NRG3: variants seen among roughly 807,000 people sequenced by gnomAD.
The protein encoded by NRG3 is neuregulin 3.
Under a neutral mutation model 66.9 loss-of-function variants are expected in NRG3, and 31 were observed. That is an observed-to-expected ratio of 0.46 (90% confidence interval 0.35 to 0.63). The LOEUF (loss-of-function observed/expected upper bound fraction) is 0.63. Among genes scored for constraint, NRG3 ranks in the 20% least tolerant of loss-of-function variants. The pLI, the probability that NRG3 is intolerant of heterozygous loss-of-function variation, is 0.00. For missense variants in NRG3, 910 were observed against 878.9 expected (o/e 1.04, Z -0.45); for synonymous variants, 393 against 359.4 (o/e 1.09, Z -1.06).
intron 2 of NRG3, among the ~76,000 whole-genome samples, chr10:82,456,439 T>A (rs2091270784): frequency 6.6e-6 from 1 of 152,146 alleles, no homozygotes; most frequent in Non-Finnish European, 1.5e-5. Context: ...ATTGCTGGGA[T>A]TACAGGTGTC....
intron 1 of NRG3, among the ~76,000 whole-genome samples, chr10:81,918,389 G>T (rs906221295): frequency 2.6e-5 from 4 of 152,108 alleles, no homozygotes; most frequent in Non-Finnish European, 4.4e-5. Flanking sequence ...TCTGTTATAT[G>T]GGCAGAGTAA....
chr10:82,136,956 C>T (rs2069408156), intron 1 of NRG3, among the ~76,000 whole-genome samples: 1 of 152,214 alleles, frequency 6.6e-6, no homozygotes. Flanking sequence ...ACGTAGGCTT[C>T]AAGACTGTCT....
At chr10:82,854,185 A>C (rs771417531) in intron 3 of NRG3, among the ~76,000 whole-genome samples, 2 of 152,226 alleles carry the variant, frequency 1.3e-5, no homozygotes, top group Non-Finnish European at 2.9e-5. Flanking sequence ...ATAATTCTAC[A>C]TGCTAAATGG....
chr10:82,851,688 TAA>T (rs1250527444), intron 3 of NRG3, among the ~76,000 whole-genome samples: 1 of 152,146 alleles, frequency 6.6e-6, no homozygotes, highest in Non-Finnish European at 1.5e-5. Flanking sequence ...GAACTACAAA[TAA>T]GAGAGATCAC....
chr10:82,136,746 C>G (rs565041592), intron 1 of NRG3, among the ~76,000 whole-genome samples: 1 of 152,140 alleles, frequency 6.6e-6, no homozygotes, highest in Admixed American at 6.6e-5. Flanking sequence ...TGGGTTCTCA[C>G]CACTGGGATG....
intron 4 of NRG3, among the ~76,000 whole-genome samples, chr10:82,904,159 A>G (rs2131905387): frequency 6.6e-6 from 1 of 152,308 alleles, no homozygotes; most frequent in East Asian, 1.9e-4. Flanking sequence ...CTTTGAATGC[A>G]GCCCAACACA....
chr10:82,334,409 G>T (rs1189087303), intron 1 of NRG3, among the ~76,000 whole-genome samples: 1 of 152,086 alleles, frequency 6.6e-6, no homozygotes, highest in Non-Finnish European at 1.5e-5. Flanking sequence ...ATATGATAAG[G>T]GCTATGACAA....
In NRG3 at chr10:82,974,033, A is replaced by C. The variant is rs151123146; in HGVS notation, c.1412+118A>C. 3 of 1,164,752 alleles carry C rather than the reference A, an allele frequency of 2.6e-6. No individual in the cohort carries two copies. The South Asian group carries it at 4.3e-5, about 17-fold the overall frequency. 72.2% of individuals were successfully genotyped at this position (1,164,752 alleles called of 1,614,324 possible). A position where few individuals can be genotyped will look rare whatever the true frequency, so the allele number is the denominator to read the frequency against. ...AGACAACTGTTCTTGCTTCTCCTGT[A>C]GTTCTCTGTGGAGTAAATGCTCAAA... On this transcript the variant is annotated intron_variant, in intron 7 of 8. Coordinates refer to ENST00000372141, the MANE Select transcript of NRG3 (RefSeq NM_001010848.4).
At chr10:82,666,280 C>G (rs574346189) in intron 2 of NRG3, among the ~76,000 whole-genome samples, 2 of 152,266 alleles carry the variant, frequency 1.3e-5, no homozygotes, top group South Asian at 2.1e-4. Flanking sequence ...GTGAGCAAGT[C>G]TTCAAACCTT....
chr10:82,062,476 T>TA (rs2064210800), intron 1 of NRG3, among the ~76,000 whole-genome samples: 2 of 151,790 alleles, frequency 1.3e-5, no homozygotes, highest in Admixed American at 6.6e-5. Flanking sequence ...CATGGTGGTG[T>TA]GCGCCTGTAG....
intron 1 of NRG3, among the ~76,000 whole-genome samples, chr10:82,038,333 G>A (rs903088725): frequency 6.6e-6 from 1 of 152,062 alleles, no homozygotes; most frequent in African/African-American, 2.4e-5. Context: ...ACTGTCCTGA[G>A]CCCTTTCCAA....
At chr10:81,929,616 T>C (rs951487578) in intron 1 of NRG3, among the ~76,000 whole-genome samples, 1 of 152,206 alleles carries the variant, frequency 6.6e-6, no homozygotes, top group African/African-American at 2.4e-5. Context: ...TTGACTACAA[T>C]GTATTTCCCT....
intron 3 of NRG3, among the ~76,000 whole-genome samples, chr10:82,856,965 ATTC>A (rs948110879): frequency 4.6e-5 from 7 of 152,160 alleles, no homozygotes; most frequent in Non-Finnish European, 8.8e-5. Flanking sequence ...TGAATGAAGA[ATTC>A]TTCTCTATAA....
At chr10:82,827,196 C>G in intron 3 of NRG3, 2 of 206,690 alleles carry the variant, frequency 9.7e-6, no homozygotes, top group African/African-American at 4.2e-5. Context: ...CTTTTTGTTA[C>G]CAAATTGTAA....
chr10:81,998,805 C>T (rs2061049394), intron 1 of NRG3, among the ~76,000 whole-genome samples: 1 of 152,150 alleles, frequency 6.6e-6, no homozygotes, highest in South Asian at 2.1e-4. Context: ...CTGTAAACAT[C>T]CTCACTTTTT....
chr10:82,445,944 T>G (rs2090699356), intron 2 of NRG3, among the ~76,000 whole-genome samples: 1 of 152,232 alleles, frequency 6.6e-6, no homozygotes, highest in Non-Finnish European at 1.5e-5. Flanking sequence ...CTAATGTGCT[T>G]CTTTGGCCAT....
intron 1 of NRG3, among the ~76,000 whole-genome samples, chr10:82,127,895 G>T (rs1318938467): frequency 6.6e-6 from 1 of 151,986 alleles, no homozygotes; most frequent in African/African-American, 2.4e-5. Flanking sequence ...AGAAAAAGAA[G>T]AGTCACTCTG....
At chr10:82,734,331 AG>A (rs1447687046) in intron 2 of NRG3, among the ~76,000 whole-genome samples, 30 of 152,026 alleles carry the variant, frequency 2.0e-4, no homozygotes, top group African/African-American at 7.0e-4. Context: ...GGATGTCAAG[AG>A]TAGAAATAGT....
chr10:82,200,531 G>A (rs1288545858), intron 1 of NRG3, among the ~76,000 whole-genome samples: 1 of 152,208 alleles, frequency 6.6e-6, no homozygotes, highest in African/African-American at 2.4e-5. Context: ...TGAGGGGATA[G>A]GGATATAGGA....
Sources: allele counts gnomAD v4.1 joint callset (sites outside exome capture counted in the v4.1 genomes callset), GRCh38; gene constraint gnomAD v4.1.1; transcripts MANE v1.5; gene names NCBI Gene and HGNC (gene_info 2026-07-23, HGNC 2026-07-21).